XKR6: variants seen among roughly 807,000 people sequenced by gnomAD.
XKR6 encodes XK related 6.
XKR6 carries 22 observed loss-of-function variants against 56.7 expected under a neutral mutation model. That is an observed-to-expected ratio of 0.39 (90% CI 0.28 to 0.55). XKR6 has a LOEUF of 0.55. Ranked by LOEUF, XKR6 falls within the 20% of genes least tolerant of loss-of-function variation. The pLI, the probability that XKR6 is intolerant of heterozygous loss-of-function variation, is 0.66. For synonymous variants in XKR6, 524 were observed against 387.8 expected (o/e 1.35, Z -4.13); for missense variants, 852 against 889.0 (o/e 0.96, Z 0.53).
Position 11,057,008 on chromosome 8 carries a change from G to C in XKR6, c.765-132178C>G, listed in dbSNP as rs577641407. On this transcript the variant is annotated intron_variant, in intron 1 of 2. Coordinates refer to ENST00000416569, the MANE Select transcript of XKR6 (RefSeq NM_173683.4). The stretch of plus-strand genomic sequence containing the variant: ...AGCCCACGTCTGACGCCTTGTCCTT[G>C]GCTGCCTGTCCAATCTGCGTACAAG... Among the ~76,000 whole-genome samples the C allele has an allele frequency of 2.0e-5, 3 of 152,256 alleles. No homozygotes were observed. The South Asian group carries it at 6.2e-4, about 32-fold the overall frequency.
At chr8:11,014,012 G>A (rs927837396) in intron 1 of XKR6, among the ~76,000 whole-genome samples, 4 of 152,206 alleles carry the variant, frequency 2.6e-5, no homozygotes, top group African/African-American at 9.7e-5. Context: ...TTACTCGCAC[G>A]GCAGACAGGC....
chr8:11,074,402 A>C (rs1039410911), intron 1 of XKR6, among the ~76,000 whole-genome samples: 1 of 152,222 alleles, frequency 6.6e-6, no homozygotes, highest in Non-Finnish European at 1.5e-5. Flanking sequence ...CCAGCCTGCA[A>C]GACTGCCCAG....
intron 1 of XKR6, among the ~76,000 whole-genome samples, chr8:11,144,683 G>T (rs1376121385): frequency 6.6e-6 from 1 of 152,046 alleles, no homozygotes; most frequent in South Asian, 2.1e-4. Flanking sequence ...TAGGGTGAGG[G>T]CAAAGTAGCA....
chr8:10,949,275 G>C (rs773303057), intron 1 of XKR6, among the ~76,000 whole-genome samples: 1 of 152,248 alleles, frequency 6.6e-6, no homozygotes, highest in Admixed American at 6.5e-5. Context: ...TGAGTCTTAC[G>C]GGCCAGCTTA....
chr8:11,052,043 C>T (rs1403868646), intron 1 of XKR6, among the ~76,000 whole-genome samples: 1 of 152,166 alleles, frequency 6.6e-6, no homozygotes, highest in Non-Finnish European at 1.5e-5. Context: ...TCTTATACTT[C>T]AGCATAAAAT....
chr8:11,026,030 T>C (rs978792073), intron 1 of XKR6, among the ~76,000 whole-genome samples: 8 of 152,202 alleles, frequency 5.3e-5, no homozygotes, highest in East Asian at 1.9e-4. Flanking sequence ...TAATATCTTA[T>C]ACAGTCATGC....
intron 1 of XKR6, among the ~76,000 whole-genome samples, chr8:11,008,713 C>T (rs866512952): frequency 6.6e-5 from 10 of 152,176 alleles, no homozygotes; most frequent in African/African-American, 2.4e-4. Context: ...CCACCCCGGC[C>T]TCCCCAGACT....
intron 1 of XKR6, among the ~76,000 whole-genome samples, chr8:11,074,426 T>A (rs1032790998): frequency 6.6e-6 from 1 of 152,192 alleles, no homozygotes; most frequent in Non-Finnish European, 1.5e-5. Context: ...TGCCCAGAGC[T>A]GATGGAGGCT....
chr8:11,107,414 G>C (rs1488969922), intron 1 of XKR6, among the ~76,000 whole-genome samples: 1 of 152,008 alleles, frequency 6.6e-6, no homozygotes, highest in Non-Finnish European at 1.5e-5. Context: ...TTAACTCCTG[G>C]CCTTGGGCAG....
chr8:10,938,158 G>A (rs567544650), intron 1 of XKR6, among the ~76,000 whole-genome samples: 14 of 152,292 alleles, frequency 9.2e-5, no homozygotes, highest in African/African-American at 2.9e-4. Context: ...GGAGTGACCC[G>A]ATTTTGCAGG....
At chr8:10,961,318 T>A (rs79072901) in intron 1 of XKR6, among the ~76,000 whole-genome samples, 1,757 of 152,300 alleles carry the variant, frequency 0.012, 34 homozygotes, top group African/African-American at 0.041. Context: ...CTGACTGGCA[T>A]CATTCCAGGC....
At chr8:11,091,766 G>A (rs531896947) in intron 1 of XKR6, among the ~76,000 whole-genome samples, 163 of 152,304 alleles carry the variant, frequency 1.1e-3, no homozygotes, top group Non-Finnish European at 1.7e-3. Context: ...TGAAACTGAA[G>A]AAACTGAAGC....
intron 1 of XKR6, among the ~76,000 whole-genome samples, chr8:11,164,825 T>A (rs1229248930): frequency 3.3e-5 from 5 of 152,246 alleles, no homozygotes; most frequent in Admixed American, 2.0e-4. Context: ...CTTGTATACC[T>A]GAGACCTGTC....
At chr8:11,021,860 T>C (rs2129148840) in intron 1 of XKR6, among the ~76,000 whole-genome samples, 1 of 152,168 alleles carries the variant, frequency 6.6e-6, no homozygotes, top group Admixed American at 6.5e-5. Context: ...GACCTTGGCT[T>C]CCTGAACTTA....
intron 1 of XKR6, among the ~76,000 whole-genome samples, chr8:11,146,148 A>C (rs967868345): frequency 5.3e-5 from 8 of 152,220 alleles, no homozygotes; most frequent in African/African-American, 1.9e-4. Flanking sequence ...TAGAAAACAC[A>C]ATAAAGCAAA....
intron 1 of XKR6, chr8:11,114,227 A>T: frequency 3.5e-6 from 1 of 285,134 alleles, no homozygotes; most frequent in Non-Finnish European, 6.8e-6. Context: ...ACAGAGAATC[A>T]CAATCCTATT....
At chr8:10,931,767 G>A (rs1484926232) in intron 1 of XKR6, among the ~76,000 whole-genome samples, 1 of 151,964 alleles carries the variant, frequency 6.6e-6, no homozygotes, top group Admixed American at 6.5e-5. Flanking sequence ...AACTGCAGGA[G>A]TGGTTCTGTA....
chr8:11,168,917 G>C (rs560909562), intron 1 of XKR6, among the ~76,000 whole-genome samples: 4 of 152,302 alleles, frequency 2.6e-5, no homozygotes, highest in African/African-American at 9.6e-5. Flanking sequence ...GTACGCAGTG[G>C]GCTCTGTTGG....
At chr8:10,939,460 G>T (rs1007598464) in intron 1 of XKR6, among the ~76,000 whole-genome samples, 2 of 152,226 alleles carry the variant, frequency 1.3e-5, no homozygotes. Context: ...TCCTATCCTA[G>T]AGACCCAGGC....
Sources: gnomAD v4.1 joint callset for allele counts (sites outside exome capture counted in the v4.1 genomes callset) on GRCh38, gnomAD v4.1.1 for gene constraint, MANE v1.5 for transcripts, NCBI Gene and HGNC (gene_info 2026-07-23, HGNC 2026-07-21) for gene names.